MYH15: variants seen among roughly 807,000 people sequenced by gnomAD.
MYH15 encodes the protein myosin-15.
A neutral mutation model predicts 240.5 loss-of-function variants in MYH15; 227 were observed. The ratio of observed to expected loss-of-function variants is 0.94; its 90% CI spans 0.85 to 1.05. The LOEUF is 1.05. Among genes scored for constraint, MYH15 ranks in the 50% least tolerant of loss-of-function variants. MYH15 has a pLI of 0.00. For synonymous variants in MYH15, 785 were observed against 796.7 expected (o/e 0.99, Z 0.25); for missense variants, 2,217 against 2,247.5 (o/e 0.99, Z 0.27).
chr3:108,503,738 T>C (rs762346198), intron 2 of MYH15, among the ~76,000 whole-genome samples: 1 of 152,192 alleles, frequency 6.6e-6, no homozygotes, highest in Non-Finnish European at 1.5e-5. Flanking sequence ...GAAAGCAGTA[T>C]GGAAATTTCT....
intron 10 of MYH15, 113 bp downstream of exon 10, chr3:108,486,310 C>T (rs1436514854): frequency 1.1e-5 from 8 of 713,308 alleles, no homozygotes; most frequent in Non-Finnish European, 1.8e-5. Flanking sequence ...AGCCCTACAC[C>T]CCTACGGAAG....
chr3:108,491,141 G>A (rs1308419774), intron 9 of MYH15, among the ~76,000 whole-genome samples: 2 of 152,060 alleles, frequency 1.3e-5, no homozygotes. Flanking sequence ...ATCTGCCTCA[G>A]TCTCCCAAAG....
chr3:108,474,791 A>G (rs1000598106), intron 12 of MYH15, among the ~76,000 whole-genome samples: 1 of 152,170 alleles, frequency 6.6e-6, no homozygotes, highest in Non-Finnish European at 1.5e-5. Context: ...CCTGCCAAGA[A>G]ATAGCTCAGT....
chr3:108,506,818 G>A (rs112310435), intron 1 of MYH15, among the ~76,000 whole-genome samples: 52 of 152,298 alleles, frequency 3.4e-4, no homozygotes, highest in African/African-American at 1.2e-3. Context: ...AGATCACGAG[G>A]TCAGGAGTTC....
intron 1 of MYH15, among the ~76,000 whole-genome samples, chr3:108,521,774 T>C (rs1281148300): frequency 6.6e-6 from 1 of 152,118 alleles, no homozygotes; most frequent in African/African-American, 2.4e-5. Context: ...TCCCAGGCAA[T>C]ATGAGATGAA....
At chr3:108,445,567 C>T (rs1443350005) in intron 21 of MYH15, among the ~76,000 whole-genome samples, 1 of 151,186 alleles carries the variant, frequency 6.6e-6, no homozygotes, top group East Asian at 1.9e-4. Flanking sequence ...TAGGAAAATA[C>T]AAAATTACAC....
intron 38 of MYH15, among the ~76,000 whole-genome samples, chr3:108,385,613 A>C (rs1439435694): frequency 6.6e-6 from 1 of 152,062 alleles, no homozygotes; most frequent in Admixed American, 6.6e-5. Flanking sequence ...TCCATATTGG[A>C]GCTATTGTAC....
intron 27 of MYH15, 136 bp from the exon 28 acceptor site, chr3:108,421,350 AG>A: frequency 2.0e-6 from 2 of 1,025,294 alleles, no homozygotes; most frequent in Non-Finnish European, 2.8e-6. Context: ...CAGCATTGGG[AG>A]ATCACATCTT....
the MYH15 span, among the ~76,000 whole-genome samples, chr3:108,546,368 T>C: frequency 6.6e-6 from 1 of 152,208 alleles, no homozygotes. Context: ...ATAAGTGAGA[T>C]GAAATATGAT....
intron 9 of MYH15, among the ~76,000 whole-genome samples, chr3:108,488,496 C>G (rs541056387): frequency 6.6e-6 from 1 of 152,008 alleles, no homozygotes; most frequent in Non-Finnish European, 1.5e-5. Context: ...TTTGTAGAAA[C>G]GGGGTCTTGC....
intron 3 of MYH15, 99 bp from the exon 4 acceptor site, chr3:108,500,373 T>TG: frequency 7.7e-7 from 1 of 1,306,114 alleles, no homozygotes; most frequent in Non-Finnish European, 1.0e-6. Flanking sequence ...AAATATTACT[T>TG]ATAAAGGAAC....
rs367925608 is a variant in MYH15 at position 108,454,059 on chromosome 3, G to A, written c.2346C>T (p.Ala782=). 18 of 1,612,902 alleles carry A rather than the reference G, an allele frequency of 1.1e-5. No homozygotes were observed. Among genetic ancestry groups the A allele is most frequent in the Non-Finnish European group, 1.4e-5 (17 of 1,179,378 alleles). ...RLSKVFTLFQ[A]RAQGKLMRIK... The stretch of plus-strand genomic sequence containing the variant: ...TTCGCATCAGTTTGCCCTGTGCTCT[G>A]GCTTGGAACAATGTGAAGACTTTAG... The change falls in exon 21 of 41, where the codon GCC becomes GCT. Residue 782 remains alanine (A), a synonymous_variant. Coordinates refer to ENST00000693548, the MANE Select transcript of MYH15 (RefSeq NM_014981.3).
At position 108,521,934 on chromosome 3, in the gene MYH15, A is replaced by C. The variant is rs139915241; in HGVS notation, c.-58+7329T>G. On this transcript the variant is annotated intron_variant, in intron 1 of 41. Transcript: ENST00000273353. ...GGTATTGTGTCCAGACATTTGTAAA[A>C]GATTCAGTTCAGATAAAGCAGACAA... Among the ~76,000 whole-genome samples, 538 of 152,270 alleles carry C rather than the reference A, an allele frequency of 3.5e-3. 2 individuals are homozygous for C. The highest frequency in any genetic ancestry group is 0.01 in the Middle Eastern group (3 of 294).
chr3:108,503,405 G>A lies in MYH15; in HGVS notation c.196-1550C>T, dbSNP rs72941747. 9.2e-3 allele frequency among the ~76,000 whole-genome samples: 1,406 copies of A among 152,232 alleles called. 23 individuals are homozygous for A. Among genetic ancestry groups the A allele is most frequent in the African/African-American group, 0.032 (1,323 of 41,528 alleles). ...GAGAAAATATGTACAAATAATACAT[G>A]TGGTAAGGGATTTGCAACCAGAAAG... On this transcript the variant is annotated intron_variant, in intron 2 of 40. Coordinates refer to ENST00000693548, the MANE Select transcript of MYH15 (RefSeq NM_014981.3).
intron 25 of MYH15, among the ~76,000 whole-genome samples, chr3:108,432,224 A>C (rs1011610062): frequency 6.6e-6 from 1 of 152,078 alleles, no homozygotes; most frequent in South Asian, 2.1e-4. Context: ...CTGCCCAGCA[A>C]ATTTTTTGTC....
intron 11 of MYH15, among the ~76,000 whole-genome samples, chr3:108,479,895 T>C (rs1374727256): frequency 2.6e-5 from 4 of 152,244 alleles, no homozygotes; most frequent in African/African-American, 7.2e-5. Flanking sequence ...ATGATAAAGA[T>C]ATTAATCTCT....
Position 108,476,443 on chromosome 3 carries a change from A to T in MYH15, c.1187T>A (p.Ile396Asn). 2 of 1,613,342 alleles carry T rather than the reference A, an allele frequency of 1.2e-6. No homozygotes were observed. The highest frequency in any genetic ancestry group is 1.7e-6 in the Non-Finnish European group (2 of 1,179,470). Reference sequence around the variant, plus strand: ...GGTAACATATTCGTTACCAACTTTGATTCTAGGATGGATCAAGCACTTTAC... The same window carrying T: ...GGTAACATATTCGTTACCAACTTTGTTTCTAGGATGGATCAAGCACTTTAC... ...ELVKCLIHPR[I>N]KVGNEYVTRG... is the part of the protein sequence containing the mutation. Residue 396 changes from isoleucine to asparagine, a missense_variant, in exon 12 of 41, where the codon ATC becomes AAC. Physicochemically the swap from Ile to Asn is moderately radical, Grantham distance 149. Transcript: ENST00000693548.
chr3:108,509,399 T>G (rs2083504331), intron 1 of MYH15, among the ~76,000 whole-genome samples: 1 of 152,198 alleles, frequency 6.6e-6, no homozygotes. Context: ...GCGATAAGCC[T>G]CTGCATGACC....
At chr3:108,445,514 G>A (rs1010966280) in intron 21 of MYH15, among the ~76,000 whole-genome samples, 2 of 151,832 alleles carry the variant, frequency 1.3e-5, no homozygotes, top group Non-Finnish European at 2.9e-5. Context: ...AATTAGCACA[G>A]TGATTTTTTT....
Sources: gnomAD v4.1 joint callset for allele counts (sites outside exome capture counted in the v4.1 genomes callset) on GRCh38, gnomAD v4.1.1 for gene constraint, MANE v1.5 for transcripts, NCBI Gene and HGNC (gene_info 2026-07-23, HGNC 2026-07-21) for gene names.